Variants in GALNT1 observed in about 807,000 individuals in gnomAD.
GALNT1 encodes the protein polypeptide N-acetylgalactosaminyltransferase 1, also known as GalNAc transferase 1.
Under a neutral mutation model 65.7 loss-of-function variants are expected in GALNT1, and 17 were observed. The observed-to-expected ratio is 0.26, with a 90% CI of 0.18 to 0.39. The LOEUF is 0.39. GALNT1 is among the 10% of genes least tolerant of loss of function. GALNT1 has a pLI of 1.00. For missense variants in GALNT1, 460 were observed against 672.8 expected (o/e 0.68, Z 3.50); for synonymous variants, 210 against 219.7 (o/e 0.96, Z 0.39).
chr18:35,699,693 T>C lies in GALNT1; in HGVS notation c.1300-3204T>C, dbSNP rs113223763. On this transcript the variant is annotated intron_variant, in intron 9 of 11. Coordinates refer to ENST00000269195, the MANE Select transcript of GALNT1 (RefSeq NM_020474.4). The stretch of plus-strand genomic sequence containing the variant: ...AAGTCCAACAAATAAGACATTTGCC[T>C]AGAACATCCTTAAGAGCTAGTCCTC... Among the ~76,000 whole-genome samples the C allele has an allele frequency of 2.7e-3, 407 of 152,330 alleles. 5 individuals are homozygous for C. Among genetic ancestry groups the C allele is most frequent in the African/African-American group, 9.0e-3 (376 of 41,574 alleles).
intron 1 of GALNT1, among the ~76,000 whole-genome samples, chr18:35,604,905 GT>G (rs1683774531): frequency 6.6e-6 from 1 of 152,106 alleles, no homozygotes; most frequent in African/African-American, 2.4e-5. Flanking sequence ...GGACCACCTG[GT>G]TTTAGTTTCT....
At chr18:35,694,586 T>C (rs1027175770) in intron 9 of GALNT1, among the ~76,000 whole-genome samples, 4 of 152,216 alleles carry the variant, frequency 2.6e-5, no homozygotes, top group Non-Finnish European at 4.4e-5. Flanking sequence ...AGGGTATGTA[T>C]CCAAAGGAAA....
intron 4 of GALNT1, among the ~76,000 whole-genome samples, chr18:35,681,472 A>G (rs1339992898): frequency 6.6e-6 from 1 of 151,530 alleles, no homozygotes; most frequent in East Asian, 1.9e-4. Context: ...GAGTTACCCG[A>G]CCACAGAATC....
chr18:35,631,731 A>G (rs975931299), intron 1 of GALNT1, among the ~76,000 whole-genome samples: 28 of 152,152 alleles, frequency 1.8e-4, no homozygotes, highest in African/African-American at 6.8e-4. Flanking sequence ...AGAAAGAAAT[A>G]AAGGGTATTC....
chr18:35,710,578 G>C lies in GALNT1; in HGVS notation c.*808G>C, dbSNP rs1043156194. On this transcript the variant is annotated 3_prime_UTR_variant, in exon 12 of 12. Transcript: ENST00000269195. ...AATTTTTAATTGCCTTCTAAAAAAT[G>C]GAAATTTAACAATGTCTGATCTCAG... 2 of 152,202 alleles carry C rather than the reference G, an allele frequency of 1.3e-5. No individual in the cohort carries two copies. Among genetic ancestry groups the C allele is most frequent in the African/African-American group, 2.4e-5 (1 of 41,396 alleles). The allele number at this position is 152,202 out of a possible 1,614,324, so 9.4% of individuals were successfully genotyped here.
intron 11 of GALNT1, 97 bp from the exon 12 acceptor site, chr18:35,709,527 A>C (rs1282007395): frequency 2.7e-5 from 36 of 1,334,750 alleles, no homozygotes; most frequent in Non-Finnish European, 3.6e-5. Flanking sequence ...TATTACCAAA[A>C]AAAACACCTT....
chr18:35,683,533 G>T lies in GALNT1; in HGVS notation c.624G>T (p.Leu208=). The change falls in exon 5 of 12, where the codon CTG becomes CTT. Residue 208 remains leucine (L), a synonymous_variant. Transcript: ENST00000269195. ...CTAAAGGCCAAGTGATCACCTTCCT[G>T]GATGCCCATTGTGAGTGTACAGTGG... ...AVSKGQVITF[L]DAHCECTVGW... is the part of the protein sequence containing the mutation. The T allele has an allele frequency of 1.9e-6, 3 of 1,613,788 alleles. No individual in the cohort carries two copies. The highest frequency in any genetic ancestry group is 1.7e-6 in the Non-Finnish European group (2 of 1,179,832).
intron 1 of GALNT1, among the ~76,000 whole-genome samples, chr18:35,637,068 TCCG>T (rs1474412549): frequency 6.6e-6 from 1 of 152,162 alleles, no homozygotes. Context: ...TTCTGACTGC[TCCG>T]CCGACCAGCC....
chr18:35,649,834 A>G (rs1568023894), intron 1 of GALNT1, among the ~76,000 whole-genome samples: 2 of 152,352 alleles, frequency 1.3e-5, no homozygotes, highest in South Asian at 2.1e-4. Context: ...TTATTTCTCC[A>G]TAACAATGGA....
intron 11 of GALNT1, among the ~76,000 whole-genome samples, chr18:35,704,804 C>T (rs960551813): frequency 1.3e-5 from 2 of 151,672 alleles, no homozygotes; most frequent in East Asian, 1.9e-4. Context: ...CCACCATGCC[C>T]GGCTAATTTT....
chr18:35,633,271 A>G (rs868395540), intron 1 of GALNT1, among the ~76,000 whole-genome samples: 1 of 152,204 alleles, frequency 6.6e-6, no homozygotes, highest in Non-Finnish European at 1.5e-5. Flanking sequence ...ACTATTCACA[A>G]TAGCAAAGAC....
chr18:35,640,428 T>G (rs1487266896), intron 1 of GALNT1, among the ~76,000 whole-genome samples: 2 of 152,194 alleles, frequency 1.3e-5, no homozygotes, highest in Admixed American at 6.5e-5. Flanking sequence ...TTATAAAATT[T>G]TATTGGAAGA....
intron 1 of GALNT1, among the ~76,000 whole-genome samples, chr18:35,618,036 T>C (rs2046806820): frequency 1.9e-5 from 2 of 108,054 alleles, no homozygotes; most frequent in Admixed American, 1.1e-4. Flanking sequence ...TTTGCTGTTC[T>C]TTTTTTTTTT....
rs2048338178 is a variant in GALNT1 at position 35,710,608 on chromosome 18, AC to A, written c.*839del. ...TTTAACAATGTCTGATCTCAGCTGAACAAATTAGATGTTTCAGTTGCTCTTG... is the reference window on the plus strand; with the variant it reads ...TTTAACAATGTCTGATCTCAGCTGAAAAATTAGATGTTTCAGTTGCTCTTG... On this transcript the variant is annotated 3_prime_UTR_variant, in exon 12 of 12. Coordinates refer to ENST00000269195, the MANE Select transcript of GALNT1 (RefSeq NM_020474.4). The A allele has an allele frequency of 2.0e-5, 3 of 152,558 alleles. No individual in the cohort carries two copies. In the South Asian group the frequency reaches 6.2e-4, roughly 32 times the overall value. 9.5% of individuals were successfully genotyped at this position (152,558 alleles called of 1,614,324 possible). A position where few individuals can be genotyped will look rare whatever the true frequency, so the allele number is the denominator to read the frequency against.
At chr18:35,658,001 G>A (rs900011820) in intron 2 of GALNT1, among the ~76,000 whole-genome samples, 9 of 152,166 alleles carry the variant, frequency 5.9e-5, no homozygotes, top group African/African-American at 1.9e-4. Context: ...TATCAGAAAC[G>A]TGAAAAGGAT....
At chr18:35,686,931 A>G in intron 5 of GALNT1, 85 bp from the exon 6 acceptor site, 1 of 1,318,354 alleles carries the variant, frequency 7.6e-7, no homozygotes, top group East Asian at 2.5e-5. Context: ...ATAAAAAATA[A>G]AAACACTTAC....
At chr18:35,703,735 C>A in intron 11 of GALNT1, 92 bp downstream of exon 11, 1 of 1,254,260 alleles carries the variant, frequency 8.0e-7, no homozygotes, top group Non-Finnish European at 1.1e-6. Context: ...TTCTTGTGGA[C>A]CTTGAATATG....
intron 1 of GALNT1, among the ~76,000 whole-genome samples, chr18:35,642,092 C>A (rs1005258935): frequency 6.6e-6 from 1 of 152,160 alleles, no homozygotes; most frequent in Non-Finnish European, 1.5e-5. Context: ...AAATCTTTAT[C>A]ATCTGGCCCT....
rs1384828237 is a variant in GALNT1, at chr18:35,662,228, C to T, written c.140-1400C>T. ...AGAATTTTTAAAAACTCTACCAACT[C>T]TCATATTTAAGGAGCTTACTTACTG... On this transcript the variant is annotated intron_variant, in intron 2 of 11. Coordinates refer to ENST00000269195, the MANE Select transcript of GALNT1 (RefSeq NM_020474.4). Among the ~76,000 whole-genome samples the T allele has an allele frequency of 2.6e-5, 4 of 152,154 alleles. No homozygotes were observed. The East Asian group carries it at 7.7e-4, about 29-fold the overall frequency.
Sources: allele counts gnomAD v4.1 joint callset (sites outside exome capture counted in the v4.1 genomes callset), GRCh38; gene constraint gnomAD v4.1.1; transcripts MANE v1.5; gene names NCBI Gene and HGNC (gene_info 2026-07-23, HGNC 2026-07-21).